Variants in MRTFB observed in about 807,000 individuals in gnomAD.
MRTFB encodes the protein myocardin related transcription factor B, also known as myocardin-related transcription factor B.
Under a neutral mutation model 104.2 loss-of-function variants are expected in MRTFB, and 29 were observed. The observed-to-expected ratio is 0.28, with a 90% CI of 0.21 to 0.38. MRTFB has a LOEUF of 0.38. Among genes scored for constraint, MRTFB ranks in the 10% least tolerant of loss-of-function variants. MRTFB has a pLI of 1.00. For missense variants in MRTFB, 1,270 were observed against 1,341.6 expected (o/e 0.95, Z 0.83); for synonymous variants, 535 against 519.5 (o/e 1.03, Z -0.41).
chr16:14,191,249 T>C (rs2040168448), intron 3 of MRTFB, among the ~76,000 whole-genome samples: 1 of 152,218 alleles, frequency 6.6e-6, no homozygotes. Context: ...AGCAGCCACA[T>C]GTGGCTAGTG....
chr16:14,049,240 A>G, the MRTFB span, among the ~76,000 whole-genome samples: 4 of 152,254 alleles, frequency 2.6e-5, no homozygotes, highest in Non-Finnish European at 5.9e-5. Flanking sequence ...TGCCAGTTCT[A>G]TGACGTCCTT....
the MRTFB span, among the ~76,000 whole-genome samples, chr16:14,059,730 A>C: frequency 6.6e-6 from 1 of 152,296 alleles, no homozygotes; most frequent in East Asian, 1.9e-4. Flanking sequence ...GTGAGCCAAA[A>C]CACAGAGGAA....
chr16:14,148,490 T>C (rs1237729188), intron 3 of MRTFB, among the ~76,000 whole-genome samples: 2 of 152,246 alleles, frequency 1.3e-5, no homozygotes, highest in Non-Finnish European at 2.9e-5. Context: ...TAAAGTACTC[T>C]TGTGACAGAA....
intron 3 of MRTFB, among the ~76,000 whole-genome samples, chr16:14,197,267 C>T (rs1478824313): frequency 2.6e-5 from 4 of 152,118 alleles, no homozygotes; most frequent in Non-Finnish European, 5.9e-5. Context: ...AGCCATCGTG[C>T]CTGGCCAGTG....
intron 3 of MRTFB, among the ~76,000 whole-genome samples, chr16:14,160,205 T>C (rs891935095): frequency 8.5e-5 from 13 of 152,230 alleles, no homozygotes; most frequent in Non-Finnish European, 1.6e-4. Flanking sequence ...ATATGTCTTA[T>C]TTAGCATTGC....
At chr16:14,008,860 TTA>T in the MRTFB span, among the ~76,000 whole-genome samples, 1 of 150,796 alleles carries the variant, frequency 6.6e-6, no homozygotes, top group African/African-American at 2.4e-5. Context: ...TTCAACAATG[TTA>T]TATAGTTTTG....
In MRTFB at chr16:14,246,568, G is replaced by T; in HGVS notation, c.1308G>T (p.Val436=). Residue 436 remains valine, a synonymous_variant, in exon 12 of 17, where the codon GTG becomes GTT. Coordinates refer to ENST00000571589, the MANE Select transcript of MRTFB (RefSeq NM_001308142.2). ...LIERLKPYQE[V]NSSGLAAGGI... is the part of the protein sequence containing the mutation. The stretch of plus-strand genomic sequence containing the variant: ...AGCGCCTAAAACCCTACCAGGAAGT[G>T]AACAGCAGCGGCCTTGCTGCTGGGG... 2 of 1,614,138 alleles carry T rather than the reference G, an allele frequency of 1.2e-6. No individual in the cohort carries two copies. The highest frequency in any genetic ancestry group is 2.2e-5 in the South Asian group (2 of 91,068).
the MRTFB span, among the ~76,000 whole-genome samples, chr16:14,015,151 G>A: frequency 1.3e-5 from 2 of 152,170 alleles, no homozygotes; most frequent in East Asian, 3.8e-4. Flanking sequence ...AAGTGTAAGT[G>A]TATTGCTTTA....
the MRTFB span, among the ~76,000 whole-genome samples, chr16:14,054,434 C>G: frequency 1.3e-5 from 2 of 152,198 alleles, no homozygotes; most frequent in African/African-American, 4.8e-5. Context: ...CCAGGCTGGT[C>G]TCCAATTCCT....
At chr16:14,083,069 C>T (rs1202927610) in intron 2 of MRTFB, among the ~76,000 whole-genome samples, 1 of 151,860 alleles carries the variant, frequency 6.6e-6, no homozygotes, top group Non-Finnish European at 1.5e-5. Context: ...AATCTTTTAC[C>T]TCCTTGGTTC....
At position 14,252,496 on chromosome 16, in the gene MRTFB, G is replaced by T; in HGVS notation, c.2697G>T (p.Leu899=). 6.2e-7 allele frequency: 1 copy of T among 1,613,994 alleles called. No individual in the cohort carries two copies. Among genetic ancestry groups the T allele is most frequent in the Non-Finnish European group, 8.5e-7 (1 of 1,179,988 alleles). ...AGACACGCAGCACACAGGCCCCTCTGCCAGAGGTAAGTGAGGGCACGGTCA... is the reference window on the plus strand; with the variant it reads ...AGACACGCAGCACACAGGCCCCTCTTCCAGAGGTAAGTGAGGGCACGGTCA... ...IKQTRSTQAP[L]PEISNAHSQQ... is the part of the protein sequence containing the mutation. Residue 899 remains leucine, a synonymous_variant, in exon 15 of 17, where the codon CTG becomes CTT. Transcript: ENST00000571589.
At chr16:13,995,603 G>C in the MRTFB span, among the ~76,000 whole-genome samples, 8,043 of 152,242 alleles carry the variant, frequency 0.053, 308 homozygotes, top group Non-Finnish European at 0.081. Flanking sequence ...ACCTGAGACT[G>C]GGTAATTTTT....
intron 2 of MRTFB, among the ~76,000 whole-genome samples, chr16:14,111,763 G>C (rs1362411606): frequency 2.6e-5 from 4 of 152,092 alleles, no homozygotes; most frequent in Non-Finnish European, 5.9e-5. Flanking sequence ...TTCACTCCCT[G>C]GTTCCCCCTT....
the MRTFB span, among the ~76,000 whole-genome samples, chr16:14,046,219 C>T: frequency 1.1e-4 from 17 of 152,022 alleles, no homozygotes; most frequent in Admixed American, 7.2e-4. Flanking sequence ...CCAGCTACTC[C>T]GGAGGCCGAG....
chr16:14,126,879 T>C (rs2037137107), intron 2 of MRTFB, among the ~76,000 whole-genome samples: 2 of 152,212 alleles, frequency 1.3e-5, no homozygotes, highest in Admixed American at 6.5e-5. Context: ...AGGGGCTAAA[T>C]ACTATGATAG....
rs569920112 is a variant in MRTFB, at chr16:14,102,182, G to A, written c.-64+22828G>A. On this transcript the variant is annotated intron_variant, in intron 2 of 16. Transcript: ENST00000571589. ...AAAAAAAAAAAAAGAAATTGTGGTT[G>A]AAAGAGCAAGCTGCTCCTTTGATAG... is the stretch of plus-strand genomic sequence containing the variant. Among the ~76,000 whole-genome samples the A allele has an allele frequency of 3.3e-5, 5 of 151,986 alleles. No individual in the cohort carries two copies. In the South Asian group the frequency reaches 6.2e-4, roughly 19 times the overall value.
the MRTFB span, among the ~76,000 whole-genome samples, chr16:14,063,668 C>T: frequency 6.6e-6 from 1 of 152,172 alleles, no homozygotes; most frequent in South Asian, 2.1e-4. Context: ...ATCCACCATT[C>T]CTGTTGGTCA....
At chr16:14,113,694 GC>G (rs1319742610) in intron 2 of MRTFB, among the ~76,000 whole-genome samples, 2 of 152,096 alleles carry the variant, frequency 1.3e-5, no homozygotes, top group Non-Finnish European at 2.9e-5. Context: ...TACCAGTCAG[GC>G]CCATAATCAT....
At chr16:14,238,028 T>TA (rs1427241593) in intron 9 of MRTFB, among the ~76,000 whole-genome samples, 2 of 152,190 alleles carry the variant, frequency 1.3e-5, no homozygotes, top group African/African-American at 4.8e-5. Context: ...CTTTCAGTTA[T>TA]ATGAGTACAG....
Sources: allele counts gnomAD v4.1 joint callset (sites outside exome capture counted in the v4.1 genomes callset), GRCh38; gene constraint gnomAD v4.1.1; transcripts MANE v1.5; gene names NCBI Gene and HGNC (gene_info 2026-07-23, HGNC 2026-07-21).